Variants in EIF5B observed in about 807,000 individuals in gnomAD.
EIF5B encodes eukaryotic translation initiation factor 5B.
In EIF5B, 47 loss-of-function variants were observed where a neutral mutation model predicts 147.5. The observed-to-expected ratio is 0.32, with a 90% CI of 0.25 to 0.41. The LOEUF (loss-of-function observed/expected upper bound fraction) is 0.41, where lower values mean the gene tolerates loss of function less well. Ranked by LOEUF, EIF5B falls within the 10% of genes least tolerant of loss-of-function variation. EIF5B has a pLI of 1.00. For synonymous variants in EIF5B, 455 were observed against 456.2 expected (o/e 1.00, Z 0.03); for missense variants, 1,064 against 1,413.2 (o/e 0.75, Z 3.96).
chr2:99,359,861 G>T (rs1674171007), intron 1 of EIF5B, among the ~76,000 whole-genome samples: 1 of 152,110 alleles, frequency 6.6e-6, no homozygotes, highest in Non-Finnish European at 1.5e-5. Flanking sequence ...AAATATTTAG[G>T]TGTTGTTATT....
intron 5 of EIF5B, 36 bp downstream of exon 5, chr2:99,363,898 G>A (rs918484508): frequency 2.1e-5 from 33 of 1,564,244 alleles, no homozygotes; most frequent in Non-Finnish European, 2.9e-5. Flanking sequence ...TTGATATTGT[G>A]TTTAACTTAA....
intron 12 of EIF5B, among the ~76,000 whole-genome samples, chr2:99,379,656 A>G (rs936585561): frequency 6.6e-6 from 1 of 152,134 alleles, no homozygotes; most frequent in Admixed American, 6.6e-5. Flanking sequence ...CCTCTCCCAG[A>G]GGCAGCCACT....
chr2:99,339,714 A>C (rs1452773882), intron 1 of EIF5B, among the ~76,000 whole-genome samples: 1 of 152,044 alleles, frequency 6.6e-6, no homozygotes, highest in Non-Finnish European at 1.5e-5. Flanking sequence ...CTCTTTCACA[A>C]TAGAAAAAAG....
chr2:99,355,851 G>A (rs1370868820), intron 1 of EIF5B, among the ~76,000 whole-genome samples: 7 of 152,064 alleles, frequency 4.6e-5, no homozygotes, highest in Admixed American at 4.6e-4. Context: ...GACCTCAGAT[G>A]ATCCACTTGC....
chr2:99,349,512 C>G (rs1291067843), intron 1 of EIF5B, among the ~76,000 whole-genome samples: 2 of 152,156 alleles, frequency 1.3e-5, no homozygotes, highest in Admixed American at 1.3e-4. Flanking sequence ...AAAAGGCTTT[C>G]TACTACATTG....
intron 10 of EIF5B, among the ~76,000 whole-genome samples, chr2:99,377,958 C>T (rs1674598472): frequency 6.6e-6 from 1 of 152,040 alleles, no homozygotes; most frequent in Admixed American, 6.5e-5. Context: ...ACTTATTGCC[C>T]TCCAAAAATT....
intron 14 of EIF5B, among the ~76,000 whole-genome samples, chr2:99,383,717 C>CT (rs2104232607): frequency 6.6e-6 from 1 of 152,306 alleles, no homozygotes; most frequent in South Asian, 2.1e-4. Context: ...GAAACTCTAG[C>CT]TGAGATGATT....
At chr2:99,346,798 C>T (rs2094274376) in intron 1 of EIF5B, among the ~76,000 whole-genome samples, 1 of 151,464 alleles carries the variant, frequency 6.6e-6, no homozygotes, top group African/African-American at 2.4e-5. Context: ...TCTCAATCTC[C>T]TGACCTTGTG....
At chr2:99,381,980 T>C (rs1374251315) in intron 12 of EIF5B, among the ~76,000 whole-genome samples, 179 bp from the exon 13 acceptor site, 1 of 152,186 alleles carries the variant, frequency 6.6e-6, no homozygotes, top group African/African-American at 2.4e-5. Context: ...AAAATGCCTT[T>C]GGATTTTAAT....
At chr2:99,364,156 A>AT in intron 5 of EIF5B, 115 bp from the exon 6 acceptor site, 1 of 1,379,920 alleles carries the variant, frequency 7.2e-7, no homozygotes, top group Non-Finnish European at 9.8e-7. Context: ...GAATCTCCTA[A>AT]CATAATACTT....
At chr2:99,340,546 A>G (rs1022829134) in intron 1 of EIF5B, 18 of 152,244 alleles carry the variant, frequency 1.2e-4, no homozygotes, top group African/African-American at 3.6e-4. Flanking sequence ...CAGTTCTTGG[A>G]CAGAACATAC....
Position 99,368,486 on chromosome 2 carries a change from C to A in EIF5B, c.1289-7C>A, listed in dbSNP as rs1387384976. On this transcript the variant is annotated splice_polypyrimidine_tract_variant and splice_region_variant and intron_variant, in intron 6 of 23. Transcript: ENST00000289371. ...TAAGCCTGAAGTTTTTCATTTTTATCCCTCAGGTGTTGAAGTGCCATCAAA... is the reference window on the plus strand; with the variant it reads ...TAAGCCTGAAGTTTTTCATTTTTATACCTCAGGTGTTGAAGTGCCATCAAA... 6 of 1,608,154 alleles carry A rather than the reference C, an allele frequency of 3.7e-6. No homozygotes were observed. The highest frequency in any genetic ancestry group is 1.7e-5 in the Admixed American group (1 of 59,692).
intron 14 of EIF5B, among the ~76,000 whole-genome samples, chr2:99,385,527 G>C (rs780036369): frequency 3.9e-5 from 6 of 152,292 alleles, no homozygotes; most frequent in South Asian, 2.1e-4. Flanking sequence ...TGAAGAATCA[G>C]GTGCTCGTTA....
chr2:99,384,486 A>C (rs577077807), intron 14 of EIF5B, among the ~76,000 whole-genome samples: 1 of 152,364 alleles, frequency 6.6e-6, no homozygotes, highest in East Asian at 1.9e-4. Flanking sequence ...TCAACTTTCA[A>C]GTATTGTTAC....
chr2:99,376,827 C>T (rs945360398), intron 10 of EIF5B, among the ~76,000 whole-genome samples, 191 bp downstream of exon 10: 3 of 152,204 alleles, frequency 2.0e-5, no homozygotes, highest in African/African-American at 7.2e-5. Flanking sequence ...CGTCCCCGCT[C>T]TTACCTAAGA....
intron 17 of EIF5B, among the ~76,000 whole-genome samples, chr2:99,392,635 T>C (rs1674961345): frequency 6.6e-6 from 1 of 152,238 alleles, no homozygotes; most frequent in Non-Finnish European, 1.5e-5. Context: ...AAAATGTTTA[T>C]TGGCCATTTA....
In EIF5B at chr2:99,361,611, A is replaced by C. The variant is rs201583340; in HGVS notation, c.710A>C (p.Glu237Ala). 4.4e-6 allele frequency: 7 copies of C among 1,594,836 alleles called. No individual in the cohort carries two copies. The highest frequency in any genetic ancestry group is 3.4e-4 in the Middle Eastern group (2 of 5,968). ...GCCCAAAAGAAGGCAGAAAAGAAGGAGCGCGAGAGAAAAAAGCGAGATGAA... is the reference window on the plus strand; with the variant it reads ...GCCCAAAAGAAGGCAGAAAAGAAGGCGCGCGAGAGAAAAAAGCGAGATGAA... ...TVAQKKAEKK[E>A]RERKKRDEEK... is the part of the protein sequence containing the mutation. Residue 237 changes from glutamate to alanine, a missense_variant, in exon 4 of 24, where the codon GAG becomes GCG. Physicochemically the swap from Glu to Ala is moderately radical, Grantham distance 107. This residue lies in a region of EIF5B where 458 missense variants were observed against 451.3 expected (regional missense o/e 1.01). Transcript: ENST00000289371.
At chr2:99,338,233 G>A (rs2094248802) in intron 1 of EIF5B, 1 of 1,056,312 alleles carries the variant, frequency 9.5e-7, no homozygotes. Flanking sequence ...GGAAGAAGAA[G>A]AAACCAACCA....
intron 10 of EIF5B, among the ~76,000 whole-genome samples, chr2:99,377,217 T>G (rs1365124756): frequency 6.6e-6 from 1 of 152,158 alleles, no homozygotes; most frequent in Non-Finnish European, 1.5e-5. Context: ...AGCTAAAAAC[T>G]ATTTTAGCTT....
Sources: allele counts gnomAD v4.1 joint callset (sites outside exome capture counted in the v4.1 genomes callset), GRCh38; gene constraint gnomAD v4.1.1; regional missense constraint gnomAD v4.1.1; transcripts MANE v1.5; gene names NCBI Gene and HGNC (gene_info 2026-07-23, HGNC 2026-07-21).